Variants in CCDC63 observed in about 807,000 individuals in gnomAD.
The protein encoded by CCDC63 is coiled-coil domain-containing protein 63.
Under a neutral mutation model 63.6 loss-of-function variants are expected in CCDC63, and 54 were observed. The ratio of observed to expected loss-of-function variants is 0.85; its 90% CI spans 0.68 to 1.07. The LOEUF (loss-of-function observed/expected upper bound fraction) is 1.07. CCDC63 is among the 50% of genes least tolerant of loss of function. The pLI is 0.00. For synonymous variants in CCDC63, 253 were observed against 266.1 expected (o/e 0.95, Z 0.48); for missense variants, 637 against 689.6 (o/e 0.92, Z 0.86).
At chr12:110,896,331 C>T (rs985774057) in intron 9 of CCDC63, among the ~76,000 whole-genome samples, 7 of 152,092 alleles carry the variant, frequency 4.6e-5, no homozygotes, top group African/African-American at 7.2e-5. Flanking sequence ...AAGGGCCGCT[C>T]TTGTCATATG....
chr12:110,866,608 C>T (rs1183046170), intron 4 of CCDC63, among the ~76,000 whole-genome samples: 1 of 150,716 alleles, frequency 6.6e-6, no homozygotes, highest in African/African-American at 2.4e-5. Flanking sequence ...GGACACAGCA[C>T]ATGTTTCAGG....
chr12:110,881,310 G>T lies in CCDC63; in HGVS notation c.853+14G>T. The T allele has an allele frequency of 6.2e-7, 1 of 1,609,074 alleles. No homozygotes were observed. Among genetic ancestry groups the T allele is most frequent in the South Asian group, 1.1e-5 (1 of 90,256 alleles). On this transcript the variant is annotated intron_variant, in intron 7 of 11. Transcript: ENST00000308208. ...AAAGGGAGGAAGGTACACCCTCCAGGAGCAAGCTTGTGCTCTCTCACTCTC... is the reference window on the plus strand; with the variant it reads ...AAAGGGAGGAAGGTACACCCTCCAGTAGCAAGCTTGTGCTCTCTCACTCTC...
intron 4 of CCDC63, among the ~76,000 whole-genome samples, chr12:110,865,798 C>A (rs1375320887): frequency 2.6e-5 from 4 of 152,228 alleles, no homozygotes; most frequent in Non-Finnish European, 5.9e-5. Context: ...GAAAGTCTTG[C>A]TTTCCAGATA....
chr12:110,882,162 A>G (rs1445877114), intron 7 of CCDC63, among the ~76,000 whole-genome samples: 4 of 152,208 alleles, frequency 2.6e-5, no homozygotes, highest in Admixed American at 1.3e-4. Flanking sequence ...TTCCAAGTAC[A>G]GTCACACTGA....
At chr12:110,867,324 A>G (rs1233761121) in intron 4 of CCDC63, among the ~76,000 whole-genome samples, 124 of 70,886 alleles carry the variant, frequency 1.7e-3, no homozygotes, top group Non-Finnish European at 2.5e-3. Context: ...CTCACCTCCC[A>G]GACGGGGCGG....
intron 10 of CCDC63, among the ~76,000 whole-genome samples, chr12:110,900,356 G>C (rs773692178): frequency 4.6e-5 from 7 of 152,144 alleles, no homozygotes; most frequent in Non-Finnish European, 1.0e-4. Context: ...TGCCTATTCA[G>C]TGCTGTACTG....
At chr12:110,851,520 C>T (rs769053981) in intron 1 of CCDC63, among the ~76,000 whole-genome samples, 1 of 152,140 alleles carries the variant, frequency 6.6e-6, no homozygotes, top group Non-Finnish European at 1.5e-5. Flanking sequence ...GGCTAGAGGG[C>T]TGAGATCATG....
chr12:110,860,386 CT>C (rs1298485492), intron 4 of CCDC63, among the ~76,000 whole-genome samples: 1 of 152,210 alleles, frequency 6.6e-6, no homozygotes, highest in East Asian at 1.9e-4. Context: ...TGTTTAACGG[CT>C]CCCTAAGCAG....
chr12:110,894,909 T>A (rs925579744), intron 9 of CCDC63, among the ~76,000 whole-genome samples: 1 of 152,128 alleles, frequency 6.6e-6, no homozygotes, highest in African/African-American at 2.4e-5. Context: ...AGGATAATTG[T>A]TTTTGTTTGT....
rs113360082 is a variant in CCDC63, at chr12:110,906,772, G to A, written c.1547-559G>A. Among the ~76,000 whole-genome samples the A allele has an allele frequency of 3.6e-3, 554 of 152,192 alleles. 3 individuals are homozygous for A. Among genetic ancestry groups the A allele is most frequent in the African/African-American group, 0.013 (535 of 41,522 alleles). On this transcript the variant is annotated intron_variant, in intron 11 of 11. Transcript: ENST00000308208. ...CACCCATCTCAGCACAACTTCCACC[G>A]CCCTTTCAGTTCCTAAAAGGTTGGG...
chr12:110,890,649 C>T (rs913346314), intron 8 of CCDC63, among the ~76,000 whole-genome samples: 24 of 150,416 alleles, frequency 1.6e-4, no homozygotes, highest in Middle Eastern at 3.4e-3. Flanking sequence ...ACACACACGC[C>T]CATTTACAAG....
chr12:110,857,904 C>T (rs1327325994), intron 3 of CCDC63, among the ~76,000 whole-genome samples: 1 of 151,976 alleles, frequency 6.6e-6, no homozygotes, highest in Non-Finnish European at 1.5e-5. Flanking sequence ...GCCAGTAGTT[C>T]GAGACCAGCC....
At chr12:110,868,271 C>T (rs1328647289) in intron 4 of CCDC63, among the ~76,000 whole-genome samples, 4 of 130,444 alleles carry the variant, frequency 3.1e-5, no homozygotes, top group Non-Finnish European at 6.6e-5. Flanking sequence ...CAGAGGGGCT[C>T]CTCACATCCC....
intron 8 of CCDC63, among the ~76,000 whole-genome samples, chr12:110,892,193 C>T (rs898464094): frequency 3.3e-5 from 5 of 152,224 alleles, no homozygotes; most frequent in African/African-American, 1.2e-4. Flanking sequence ...TCCACAGCCA[C>T]ACTCTTCAAT....
intron 9 of CCDC63, among the ~76,000 whole-genome samples, chr12:110,893,614 G>GT (rs2071384240): frequency 6.6e-6 from 1 of 152,164 alleles, no homozygotes; most frequent in Non-Finnish European, 1.5e-5. Flanking sequence ...TTGAATCCTG[G>GT]TGGCAGGTGC....
chr12:110,868,190 C>T lies in CCDC63; in HGVS notation c.370-5652C>T, dbSNP rs1457308311. Among the ~76,000 whole-genome samples, 604 of 144,136 alleles carry T rather than the reference C, an allele frequency of 4.2e-3. 9 individuals are homozygous for T. The highest frequency in any genetic ancestry group is 0.015 in the African/African-American group (577 of 37,792). The allele number at this position is 144,136 out of a possible 152,430, so 94.6% of individuals were successfully genotyped here. ...AGATGTGATGGCGGCTGGGAAGAGG[C>T]GCTCCTCACTTCCTAGATGGGATGG... On this transcript the variant is annotated intron_variant, in intron 4 of 11. Coordinates refer to ENST00000308208, the MANE Select transcript of CCDC63 (RefSeq NM_152591.3).
rs951207557 is a variant in CCDC63, at chr12:110,907,483, T to C, written c.*7T>C. ...GAAGAAAGTAACCATGTGAGGTGCA[T>C]GCATGGGGCCACCTTTGCAACATAA... On this transcript the variant is annotated 3_prime_UTR_variant, in exon 12 of 12. Transcript: ENST00000308208. This position sits in a 1 kb window ranked among gnomAD's most constrained non-coding sequence, Gnocchi z 4.4. The C allele has an allele frequency of 3.1e-6, 5 of 1,614,102 alleles. No individual in the cohort carries two copies. The Admixed American group carries it at 6.7e-5, about 22-fold the overall frequency.
upstream of CCDC63, chr12:110,845,636 AC>A (rs1182713407): frequency 6.6e-6 from 1 of 152,168 alleles, no homozygotes; most frequent in African/African-American, 2.4e-5. Flanking sequence ...TGTGGCCCGA[AC>A]CCTGTATGTA....
intron 8 of CCDC63, among the ~76,000 whole-genome samples, chr12:110,885,963 C>T: frequency 6.6e-6 from 1 of 152,036 alleles, no homozygotes; most frequent in East Asian, 1.9e-4. Flanking sequence ...TAACAGTAAA[C>T]AAAGAATAAT....
Sources: gnomAD v4.1 joint callset for allele counts (sites outside exome capture counted in the v4.1 genomes callset) on GRCh38, gnomAD v4.1.1 for gene constraint, Gnocchi (gnomAD v3.1) non-coding constraint, MANE v1.5 for transcripts, NCBI Gene and HGNC (gene_info 2026-07-23, HGNC 2026-07-21) for gene names.